CRELD1: variants seen among roughly 807,000 people sequenced by gnomAD.
The protein encoded by CRELD1 is CRELD disulfide isomerase 1, also known as protein disulfide isomerase CRELD1.
Under a neutral mutation model 58.2 loss-of-function variants are expected in CRELD1, and 42 were observed. The ratio of observed to expected loss-of-function variants is 0.72; its 90% CI spans 0.56 to 0.93. CRELD1 has a LOEUF of 0.93. Ranked by LOEUF, CRELD1 falls within the 40% of genes least tolerant of loss-of-function variation. The pLI, the probability that CRELD1 is intolerant of heterozygous loss-of-function variation, is 0.00. For synonymous variants in CRELD1, 222 were observed against 202.0 expected, an observed-to-expected ratio of 1.10 and a Z score of -0.84; for missense variants, 500 against 540.6, an observed-to-expected ratio of 0.92 and a Z score of 0.74.
intron 1 of CRELD1, 82 bp from the exon 2 acceptor site, chr3:9,934,338 C>T: frequency 8.9e-6 from 10 of 1,117,814 alleles, no homozygotes; most frequent in African/African-American, 1.5e-5. Context: ...CCCAGCGCCA[C>T]GGCACCTTAG....
Position 9,942,280 on chromosome 3 carries a change from A to T in CRELD1, c.734-533A>T, listed in dbSNP as rs113281670. Among the ~76,000 whole-genome samples, 11 of 152,236 alleles carry T rather than the reference A, an allele frequency of 7.2e-5. 1 individual carries two copies. Among genetic ancestry groups the T allele is most frequent in the African/African-American group, 2.6e-4 (11 of 41,536 alleles). ...GAGCGAAACTCCATCTCAAAAAAAA[A>T]AAAAAGAATCTAGAGGGTAGAGGTT... On this transcript the variant is annotated intron_variant, in intron 7 of 10. Transcript: ENST00000452070.
intron 3 of CRELD1, chr3:9,936,168 G>A (rs1392615547): frequency 3.3e-5 from 5 of 152,178 alleles, no homozygotes; most frequent in African/African-American, 4.8e-5. Context: ...GTAAAATGGG[G>A]ATATTAATAC....
chr3:9,936,171 A>G (rs2085187370), intron 3 of CRELD1: 1 of 152,216 alleles, frequency 6.6e-6, no homozygotes, highest in African/African-American at 2.4e-5. Context: ...AAATGGGGAT[A>G]TTAATACCTG....
At chr3:9,944,130 A>G (rs763200830) in intron 10 of CRELD1, 19 of 788,254 alleles carry the variant, frequency 2.4e-5, no homozygotes, top group Admixed American at 6.8e-5. Context: ...TGTCCACCAC[A>G]TGGCCTTGGC....
intron 5 of CRELD1, among the ~76,000 whole-genome samples, chr3:9,938,847 G>A (rs1032235519): frequency 2.6e-5 from 4 of 151,562 alleles, no homozygotes; most frequent in Admixed American, 6.6e-5. Context: ...GCGACAGAGC[G>A]AGACTCTGTC....
At position 9,943,189 on chromosome 3, in the gene CRELD1, T is replaced by TG. The variant is rs1346010971; in HGVS notation, c.913+20dup. On this transcript the variant is annotated intron_variant, in intron 9 of 10. Transcript: ENST00000452070. ...AGTGTCTCGGTGAGTCTCCTGCTGATGGGACACAGGCACCTGGGAGTGCCT... is the reference window on the plus strand; with the variant it reads ...AGTGTCTCGGTGAGTCTCCTGCTGATGGGGACACAGGCACCTGGGAGTGCCT... The TG allele has an allele frequency of 6.2e-7, 1 of 1,608,564 alleles. No homozygotes were observed. The highest frequency in any genetic ancestry group is 1.7e-5 in the Admixed American group (1 of 60,016).
At chr3:9,937,965 A>G in intron 4 of CRELD1, 50 bp from the exon 5 acceptor site, 1 of 1,313,622 alleles carries the variant, frequency 7.6e-7, no homozygotes. Flanking sequence ...CACTTATGAC[A>G]CTATCTCAGC....
At chr3:9,937,924 C>G (rs930285059) in intron 4 of CRELD1, 91 bp from the exon 5 acceptor site, 9 of 972,788 alleles carry the variant, frequency 9.3e-6, no homozygotes, top group Non-Finnish European at 1.5e-5. Flanking sequence ...TGGGTTGAAT[C>G]ACAGATTCAG....
chr3:9,940,264 G>T (rs1039680275), intron 5 of CRELD1, among the ~76,000 whole-genome samples: 5 of 152,194 alleles, frequency 3.3e-5, no homozygotes, highest in Admixed American at 3.3e-4. Flanking sequence ...CCCAGACGGG[G>T]TGGTGGCCGG....
In CRELD1 at chr3:9,940,536, C is replaced by T. The variant is rs577350711; in HGVS notation, c.461-314C>T. Among the ~76,000 whole-genome samples, 108 of 151,942 alleles carry T rather than the reference C, an allele frequency of 7.1e-4. 1 individual carries two copies. Among genetic ancestry groups the T allele is most frequent in the Admixed American group, 6.2e-3 (94 of 15,272 alleles). Reference sequence around the variant, plus strand: ...TACGAAAACCAGTCAGGCGTGGTGGCGCGCGCCTGCAATCGCAGGCACTCG... The same window carrying T: ...TACGAAAACCAGTCAGGCGTGGTGGTGCGCGCCTGCAATCGCAGGCACTCG... On this transcript the variant is annotated intron_variant, in intron 5 of 10. Coordinates refer to ENST00000452070, the MANE Select transcript of CRELD1 (RefSeq NM_001077415.3).
In CRELD1 at chr3:9,942,845, T is replaced by C; in HGVS notation, c.766T>C (p.Cys256Arg). 1 of 1,614,174 alleles carries C rather than the reference T, an allele frequency of 6.2e-7. No individual in the cohort carries two copies. Among genetic ancestry groups the C allele is most frequent in the Non-Finnish European group, 8.5e-7 (1 of 1,179,994 alleles). ...IDECGTEGANCGADQFCVNTE... is the reference protein window; with the variant it reads ...IDECGTEGANRGADQFCVNTE... The stretch of plus-strand genomic sequence containing the variant: ...TGAGTGTGGCACAGAGGGAGCCAAC[T>C]GTGGAGCTGACCAATTCTGCGTGAA... The change falls in exon 8 of 11, where the codon TGT becomes CGT. Residue 256 changes from cysteine to arginine, a missense_variant. Cys to Arg is a radical substitution (Grantham distance 180). Coordinates refer to ENST00000452070, the MANE Select transcript of CRELD1 (RefSeq NM_001077415.3).
Position 9,940,927 on chromosome 3 carries a change from C to A in CRELD1, c.538C>A (p.His180Asn), listed in dbSNP as rs1575646328. ...AGAAGGGACACGAGGGGGCAGCGGG[C>A]ACTGTGACTGCCAAGCCGGCTACGG... Reference protein sequence around the residue: ...EGEGTRGGSGHCDCQAGYGGE... With the variant: ...EGEGTRGGSGNCDCQAGYGGE... The change falls in exon 6 of 11, where the codon CAC (histidine) becomes AAC (asparagine). Residue 180 changes from histidine to asparagine, a missense_variant. Physicochemically the swap from His to Asn is moderately conservative, Grantham distance 68. Coordinates refer to ENST00000452070, the MANE Select transcript of CRELD1 (RefSeq NM_001077415.3). 6.2e-7 allele frequency: 1 copy of A among 1,613,962 alleles called. No individual in the cohort carries two copies. The highest frequency in any genetic ancestry group is 1.7e-5 in the Admixed American group (1 of 59,994).
intron 7 of CRELD1, among the ~76,000 whole-genome samples, chr3:9,941,501 G>A (rs2085364998): frequency 6.6e-6 from 1 of 152,170 alleles, no homozygotes; most frequent in Non-Finnish European, 1.5e-5. Context: ...CCTAAAAATT[G>A]AGGAAGGGGC....
intron 9 of CRELD1, 87 bp downstream of exon 9, chr3:9,943,259 G>A (rs895618882): frequency 1.6e-5 from 25 of 1,592,312 alleles, no homozygotes; most frequent in Non-Finnish European, 1.9e-5. Flanking sequence ...GGCAGGTGGG[G>A]GAAGGAAGGG....
chr3:9,939,960 G>T (rs2085305040), intron 5 of CRELD1, among the ~76,000 whole-genome samples: 1 of 151,580 alleles, frequency 6.6e-6, no homozygotes. Flanking sequence ...CCGGGCGGGG[G>T]GCTGACCCCC....
intron 4 of CRELD1, 88 bp downstream of exon 4, chr3:9,937,760 TGCTGGGGCC>T (rs2085236781): frequency 1.0e-6 from 1 of 959,932 alleles, no homozygotes; most frequent in Admixed American, 2.0e-5. Context: ...GGGGGGTGCA[TGCTGGGGCC>T]CATGTCCTGG....
chr3:9,939,561 C>T (rs2085289426), intron 5 of CRELD1, among the ~76,000 whole-genome samples: 5 of 152,196 alleles, frequency 3.3e-5, no homozygotes, highest in Admixed American at 3.3e-4. Flanking sequence ...CTTCAAGCAT[C>T]TGTTTAACAA....
chr3:9,945,035 C>T lies in CRELD1; in HGVS notation c.*456C>T, dbSNP rs750942626. 56 of 234,234 alleles carry T rather than the reference C, an allele frequency of 2.4e-4. No individual in the cohort carries two copies. The highest frequency in any genetic ancestry group is 4.1e-4 in the Non-Finnish European group (48 of 116,138). The allele number at this position is 234,234 out of a possible 1,614,324, so 14.5% of individuals were successfully genotyped here. A position where few individuals can be genotyped will look rare whatever the true frequency, so the allele number is the denominator to read the frequency against. ...AGAAAGGTCTTGGAAAGTTAAAAGG[C>T]ATCAGTCTTACTACCTGTCCCACCA... On this transcript the variant is annotated 3_prime_UTR_variant, in exon 11 of 11. Transcript: ENST00000452070.
intron 5 of CRELD1, 46 bp from the exon 6 acceptor site, chr3:9,940,804 T>G (rs370525981): frequency 6.6e-7 from 1 of 1,508,588 alleles, no homozygotes; most frequent in African/African-American, 1.4e-5. Flanking sequence ...ATCTTGTATA[T>G]CAAGGTTGTA....
Sources: allele counts gnomAD v4.1 joint callset (sites outside exome capture counted in the v4.1 genomes callset), GRCh38; gene constraint gnomAD v4.1.1; transcripts MANE v1.5; gene names NCBI Gene and HGNC (gene_info 2026-07-23, HGNC 2026-07-21).